Variants in NEB observed in about 807,000 individuals in gnomAD.
The protein encoded by NEB is nemaline myopathy type 2.
In NEB, 512 loss-of-function variants were observed where a neutral mutation model predicts 952.2. The observed-to-expected ratio is 0.54, with a 90% confidence interval of 0.50 to 0.58. The LOEUF is 0.58. Among genes scored for constraint, NEB ranks in the 20% least tolerant of loss-of-function variants. NEB has a pLI of 0.00. For synonymous variants in NEB, 2,900 were observed against 3,149.8 expected (o/e 0.92, Z 2.66); for missense variants, 8,428 against 9,231.1 (o/e 0.91, Z 3.56).
chr2:151,729,407 C>T (rs1162108091), intron 4 of NEB, among the ~76,000 whole-genome samples: 2 of 152,158 alleles, frequency 1.3e-5, no homozygotes, highest in African/African-American at 2.4e-5. Flanking sequence ...TGCCATCTTG[C>T]GTTTTTTGAA....
intron 107 of NEB, among the ~76,000 whole-genome samples, chr2:151,572,252 G>A (rs2096655329): frequency 6.6e-6 from 1 of 152,016 alleles, no homozygotes; most frequent in Non-Finnish European, 1.5e-5. Context: ...AACCCGGGAG[G>A]CAGAAGTTTC....
At position 151,657,001 on chromosome 2, in the gene NEB, A is replaced by G. The variant is rs74935217; in HGVS notation, c.6184-537T>C. Among the ~76,000 whole-genome samples the G allele has an allele frequency of 4.4e-3, 674 of 152,154 alleles. 15 individuals are homozygous for G. In the East Asian group the frequency reaches 0.071, roughly 16 times the overall value. ...TTCGTGGAGCTCCTTTTCCTTTAAG[A>G]CTCTCTAAACTGCTATAATGGGGAA... On this transcript the variant is annotated intron_variant, in intron 48 of 181. Coordinates refer to ENST00000397345, the MANE Select transcript of NEB (RefSeq NM_001164508.2).
At chr2:151,517,662 C>T (rs905234314) in intron 156 of NEB, among the ~76,000 whole-genome samples, 3 of 152,116 alleles carry the variant, frequency 2.0e-5, no homozygotes, top group Non-Finnish European at 4.4e-5. Flanking sequence ...GCCTGTTGCT[C>T]CTAGGCTAGA....
In NEB at chr2:151,631,027, T is replaced by C. The variant is rs1325698053; in HGVS notation, c.9618+116A>G. 4.3e-6 allele frequency: 6 copies of C among 1,389,016 alleles called. No homozygotes were observed. The East Asian group carries it at 1.4e-4, about 32-fold the overall frequency. 86.0% of individuals were successfully genotyped at this position (1,389,016 alleles called of 1,614,324 possible). On this transcript the variant is annotated intron_variant, in intron 66 of 181. Coordinates refer to ENST00000397345, the MANE Select transcript of NEB (RefSeq NM_001164508.2). ...TATTTAGAGGATTTCAAGCATGTAA[T>C]TTAAAAGGTAAAAATGCGACCCCAC...
At chr2:151,563,216 T>C (rs969959558) in intron 119 of NEB, among the ~76,000 whole-genome samples, 17 of 152,082 alleles carry the variant, frequency 1.1e-4, no homozygotes, top group African/African-American at 4.1e-4. Context: ...GGTTTCACCA[T>C]GTTGGCCAGG....
intron 107 of NEB, among the ~76,000 whole-genome samples, chr2:151,571,258 G>T (rs542647964): frequency 6.6e-6 from 1 of 152,046 alleles, no homozygotes; most frequent in South Asian, 2.1e-4. Context: ...CACCTGCCTC[G>T]GCCTCCCAAA....
intron 128 of NEB, 136 bp from the exon 129 acceptor site, chr2:151,551,981 C>A: frequency 1.6e-6 from 1 of 624,496 alleles, no homozygotes; most frequent in Non-Finnish European, 2.8e-6. Context: ...CCAACAGGAT[C>A]AGAGCCAGCG....
intron 40 of NEB, 81 bp downstream of exon 40, chr2:151,667,723 G>T: frequency 2.0e-6 from 2 of 1,024,380 alleles, no homozygotes; most frequent in East Asian, 2.5e-5. Flanking sequence ...TAGAGACAGG[G>T]TCTTGCTATG....
chr2:151,574,118 G>A (rs1236152841), intron 107 of NEB, among the ~76,000 whole-genome samples: 10 of 152,218 alleles, frequency 6.6e-5, no homozygotes, highest in African/African-American at 2.2e-4. Flanking sequence ...GGGACTACAG[G>A]CACCCACCAC....
intron 124 of NEB, among the ~76,000 whole-genome samples, chr2:151,559,913 C>T (rs995464379): frequency 1.3e-5 from 2 of 152,120 alleles, no homozygotes; most frequent in African/African-American, 2.4e-5. Flanking sequence ...ACGTTCTGCA[C>T]GTGTACCCCA....
rs748634386 is a variant in NEB, at chr2:151,655,387, A to G, written c.6703-13T>C. 3.5e-6 allele frequency: 5 copies of G among 1,428,504 alleles called. No individual in the cohort carries two copies. The highest frequency in any genetic ancestry group is 2.6e-5 in the South Asian group (2 of 77,308). The allele number at this position is 1,428,504 out of a possible 1,614,324, so 88.5% of individuals were successfully genotyped here. A position where few individuals can be genotyped will look rare whatever the true frequency, so the allele number is the denominator to read the frequency against. On this transcript the variant is annotated splice_polypyrimidine_tract_variant and intron_variant, in intron 50 of 181. Coordinates refer to ENST00000397345, the MANE Select transcript of NEB (RefSeq NM_001164508.2). The stretch of plus-strand genomic sequence containing the variant: ...TGGTGTATAAATGCTAGGAAGTGGG[A>G]AAAAAAGACATGAAATTTGAATAAC...
At chr2:151,571,678 A>G (rs924961412) in intron 107 of NEB, among the ~76,000 whole-genome samples, 7 of 152,214 alleles carry the variant, frequency 4.6e-5, no homozygotes, top group African/African-American at 1.7e-4. Context: ...GTAGTGACTG[A>G]TTTACAAGTA....
intron 74 of NEB, among the ~76,000 whole-genome samples, 190 bp downstream of exon 74, chr2:151,618,085 G>GTA (rs2098265073): frequency 6.6e-6 from 1 of 152,094 alleles, no homozygotes; most frequent in South Asian, 2.1e-4. Context: ...ACAAACAAAA[G>GTA]CACACAGTAC....
intron 134 of NEB, 145 bp downstream of exon 134, chr2:151,546,200 G>C: frequency 4.2e-6 from 3 of 710,098 alleles, no homozygotes; most frequent in South Asian, 3.8e-5. Flanking sequence ...ACATTAAAGT[G>C]ATAATCTGCT....
chr2:151,578,496 C>A lies in NEB; in HGVS notation c.16704+842G>T, dbSNP rs1241499584. Among the ~76,000 whole-genome samples the A allele has an allele frequency of 8.0e-5, 12 of 150,922 alleles. No homozygotes were observed. The South Asian group carries it at 2.1e-3, about 26-fold the overall frequency. ...CCAACATGATGAAACCCTGCCTCTA[C>A]TAAAAAATAAAAAAATCAGCCGACT... On this transcript the variant is annotated intron_variant, in intron 105 of 181. Transcript: ENST00000397345.
At chr2:151,723,750 G>GTTTTTTTTTTTT (rs11308757) in intron 8 of NEB, among the ~76,000 whole-genome samples, 6 of 51,356 alleles carry the variant, frequency 1.2e-4, no homozygotes, top group Non-Finnish European at 1.5e-4. Flanking sequence ...TGCCTTCTTT[G>GTTTTTTTTTTTT]TTTTTTTTTT....
At chr2:151,687,393 C>T in intron 27 of NEB, 26 bp downstream of exon 27, 1 of 1,586,204 alleles carries the variant, frequency 6.3e-7, no homozygotes. Context: ...ATCTTGAAAA[C>T]AAGACAGATT....
At chr2:151,635,928 A>G (rs2098753969) in intron 64 of NEB, among the ~76,000 whole-genome samples, 1 of 152,162 alleles carries the variant, frequency 6.6e-6, no homozygotes, top group Non-Finnish European at 1.5e-5. Flanking sequence ...AGCCGGTGAT[A>G]ATTCTTACAT....
intron 34 of NEB, among the ~76,000 whole-genome samples, chr2:151,676,649 T>G (rs149840790): frequency 1.3e-5 from 2 of 152,334 alleles, no homozygotes; most frequent in African/African-American, 4.8e-5. Context: ...CTACTGCTGT[T>G]ATATTGTTCC....
Sources: allele counts gnomAD v4.1 joint callset (sites outside exome capture counted in the v4.1 genomes callset), GRCh38; gene constraint gnomAD v4.1.1; transcripts MANE v1.5; gene names NCBI Gene and HGNC (gene_info 2026-07-23, HGNC 2026-07-21).